Variants in TMEM62 observed in about 807,000 individuals in gnomAD.
TMEM62 encodes the protein transmembrane protein 62.
Under a neutral mutation model 70.4 loss-of-function variants are expected in TMEM62, and 41 were observed. The observed-to-expected ratio is 0.58, with a 90% confidence interval of 0.45 to 0.76. The LOEUF (loss-of-function observed/expected upper bound fraction) is 0.76, where lower values mean the gene tolerates loss of function less well. Among genes scored for constraint, TMEM62 ranks in the 30% least tolerant of loss-of-function variants. The pLI is 0.00. For synonymous variants in TMEM62, 268 were observed against 291.0 expected (o/e 0.92, Z 0.80); for missense variants, 688 against 788.5 (o/e 0.87, Z 1.53).
chr15:43,152,017 C>T, intron 8 of TMEM62, 72 bp downstream of exon 8: 2 of 1,226,464 alleles, frequency 1.6e-6, no homozygotes, highest in Admixed American at 4.7e-5. Context: ...GATTGCATTC[C>T]CATGTGAAAG....
At chr15:43,170,573 A>T (rs577306691) in intron 11 of TMEM62, among the ~76,000 whole-genome samples, 5 of 134,148 alleles carry the variant, frequency 3.7e-5, no homozygotes, top group Admixed American at 2.7e-4. Context: ...CTAAGAAATT[A>T]AAAAAAAACT....
At position 43,133,926 on chromosome 15, in the gene TMEM62, A is replaced by G. The variant is rs2034775239; in HGVS notation, c.124A>G (p.Arg42Gly). The G allele has an allele frequency of 6.7e-7, 1 of 1,489,280 alleles. No individual in the cohort carries two copies. Among genetic ancestry groups the G allele is most frequent in the East Asian group, 2.6e-5 (1 of 37,928 alleles). The allele number at this position is 1,489,280 out of a possible 1,614,324, so 92.3% of individuals were successfully genotyped here. A position where few individuals can be genotyped will look rare whatever the true frequency, so the allele number is the denominator to read the frequency against. The change falls in exon 1 of 14, where the codon AGG (arginine) becomes GGG (glycine). Residue 42 changes from arginine (R) to glycine (G), a missense_variant. Arg to Gly is a moderately radical substitution (Grantham distance 125). Transcript: ENST00000260403. ...PSPLPRPAPP[R>G]RPHPAPGPGD... ...GCCGCTGCCGCGCCCCGCGCCCCCCAGGAGGCCGCACCCTGCGCCAGGGCC... is the reference window on the plus strand; with the variant it reads ...GCCGCTGCCGCGCCCCGCGCCCCCCGGGAGGCCGCACCCTGCGCCAGGGCC...
chr15:43,177,725 A>G (rs1412609235), intron 11 of TMEM62, among the ~76,000 whole-genome samples: 1 of 152,096 alleles, frequency 6.6e-6, no homozygotes, highest in Admixed American at 6.5e-5. Flanking sequence ...GGAAATCATC[A>G]TTCTCAGTAA....
At chr15:43,168,623 C>G (rs1175094745) in intron 10 of TMEM62, among the ~76,000 whole-genome samples, 2 of 152,134 alleles carry the variant, frequency 1.3e-5, no homozygotes, top group African/African-American at 4.8e-5. Context: ...TTACTTTTCT[C>G]TCTTGTTTCC....
chr15:43,134,100 G>C (rs1446288465), intron 1 of TMEM62, 118 bp downstream of exon 1: 1 of 1,432,902 alleles, frequency 7.0e-7, no homozygotes, highest in Non-Finnish European at 9.2e-7. Context: ...ATTGTAACTC[G>C]AGGCTCTGTC....
chr15:43,133,945 C>T lies in TMEM62; in HGVS notation c.143C>T (p.Pro48Leu). 1.4e-6 allele frequency: 2 copies of T among 1,471,604 alleles called. No individual in the cohort carries two copies. The highest frequency in any genetic ancestry group is 1.8e-6 in the Non-Finnish European group (2 of 1,121,122). 91.2% of individuals were successfully genotyped at this position (1,471,604 alleles called of 1,614,324 possible). A position where few individuals can be genotyped will look rare whatever the true frequency, so the allele number is the denominator to read the frequency against. Reference protein sequence around the residue: ...PAPPRRPHPAPGPGDSNIFWG... With the variant: ...PAPPRRPHPALGPGDSNIFWG... ...CCCCCCAGGAGGCCGCACCCTGCGCCAGGGCCCGGAGACAGCAACATCTTC... is the reference window on the plus strand; with the variant it reads ...CCCCCCAGGAGGCCGCACCCTGCGCTAGGGCCCGGAGACAGCAACATCTTC... Residue 48 changes from proline (P) to leucine (L), a missense_variant, in exon 1 of 14, where the codon CCA (proline) becomes CTA (leucine). Physicochemically the swap from Pro to Leu is moderately conservative, Grantham distance 98 (BLOSUM62 -3). Transcript: ENST00000260403.
chr15:43,182,818 T>C (rs2041482574), intron 13 of TMEM62, among the ~76,000 whole-genome samples: 1 of 152,216 alleles, frequency 6.6e-6, no homozygotes, highest in African/African-American at 2.4e-5. Context: ...ACCAAATGAA[T>C]CCTGAGCCTT....
At chr15:43,173,796 A>G (rs2142021744) in intron 11 of TMEM62, among the ~76,000 whole-genome samples, 1 of 151,798 alleles carries the variant, frequency 6.6e-6, no homozygotes, top group East Asian at 1.9e-4. Flanking sequence ...TGCTTTATAT[A>G]ACCACTTCGA....
chr15:43,156,935 G>C (rs1160476307), intron 9 of TMEM62, among the ~76,000 whole-genome samples: 1 of 152,024 alleles, frequency 6.6e-6, no homozygotes, highest in Admixed American at 6.6e-5. Context: ...GGACTGATCT[G>C]TTTTCTGTTT....
At chr15:43,170,132 C>A (rs1383823287) in intron 11 of TMEM62, among the ~76,000 whole-genome samples, 2 of 152,124 alleles carry the variant, frequency 1.3e-5, no homozygotes, top group African/African-American at 2.4e-5. Flanking sequence ...GTCCTGCAGG[C>A]ATTATATCTT....
chr15:43,181,399 G>C, intron 13 of TMEM62, 100 bp downstream of exon 13: 1 of 773,870 alleles, frequency 1.3e-6, no homozygotes, highest in Non-Finnish European at 2.2e-6. Flanking sequence ...AAGTACCATA[G>C]ATCATCTTTC....
chr15:43,167,429 G>T (rs1419085964), intron 10 of TMEM62, among the ~76,000 whole-genome samples: 2 of 151,074 alleles, frequency 1.3e-5, no homozygotes, highest in African/African-American at 2.4e-5. Context: ...CAGGCAGAGG[G>T]TCTCCTCACT....
chr15:43,162,941 T>C (rs1596302852), intron 10 of TMEM62, among the ~76,000 whole-genome samples: 1 of 151,712 alleles, frequency 6.6e-6, no homozygotes, highest in East Asian at 1.9e-4. Context: ...ATTACATAAA[T>C]TATTTATTAT....
At chr15:43,136,086 C>T (rs1457305579) in intron 3 of TMEM62, among the ~76,000 whole-genome samples, 1 of 151,820 alleles carries the variant, frequency 6.6e-6, no homozygotes, top group African/African-American at 2.4e-5. Flanking sequence ...TTTAGCAAAA[C>T]TCATGCAGAC....
Position 43,184,606 on chromosome 15 carries a change from G to C in TMEM62, c.*20G>C. On this transcript the variant is annotated 3_prime_UTR_variant, in exon 14 of 14. Transcript: ENST00000260403. ...TCCTGAAGGCCATGTCTCACCACTGGCAGCTGGGCAGAAGCCCAGCCTCTG... is the reference window on the plus strand; with the variant it reads ...TCCTGAAGGCCATGTCTCACCACTGCCAGCTGGGCAGAAGCCCAGCCTCTG... The C allele has an allele frequency of 6.3e-7, 1 of 1,599,946 alleles. No homozygotes were observed. Among genetic ancestry groups the C allele is most frequent in the East Asian group, 2.2e-5 (1 of 44,824 alleles).
chr15:43,167,793 A>G (rs2141950521), intron 10 of TMEM62, among the ~76,000 whole-genome samples: 1 of 152,250 alleles, frequency 6.6e-6, no homozygotes, highest in South Asian at 2.1e-4. Flanking sequence ...TCGAGGTTGT[A>G]GCGAGCCGAG....
chr15:43,179,239 A>C (rs1431793330), intron 12 of TMEM62, among the ~76,000 whole-genome samples: 1 of 152,208 alleles, frequency 6.6e-6, no homozygotes, highest in Non-Finnish European at 1.5e-5. Context: ...CTAAAAAAAA[A>C]GTATATATAT....
chr15:43,142,973 A>G (rs1179428619), intron 4 of TMEM62, among the ~76,000 whole-genome samples: 1 of 152,160 alleles, frequency 6.6e-6, no homozygotes, highest in Non-Finnish European at 1.5e-5. Flanking sequence ...CCCAGTCAGT[A>G]GAAGTATTTA....
At chr15:43,181,712 G>A (rs551823561) in intron 13 of TMEM62, among the ~76,000 whole-genome samples, 41 of 152,184 alleles carry the variant, frequency 2.7e-4, no homozygotes, top group Non-Finnish European at 4.6e-4. Context: ...ATGTTGGCCA[G>A]GCTGGTCTCG....
Sources: allele counts gnomAD v4.1 joint callset (sites outside exome capture counted in the v4.1 genomes callset), GRCh38; gene constraint gnomAD v4.1.1; transcripts MANE v1.5; gene names NCBI Gene and HGNC (gene_info 2026-07-23, HGNC 2026-07-21).